The following DLGAP2 variants were observed in gnomAD, a reference collection of about 807,000 sequenced individuals.
The protein encoded by DLGAP2 is disks large-associated protein 2.
A neutral mutation model predicts 100.3 loss-of-function variants in DLGAP2; 26 were observed. That is an observed-to-expected ratio of 0.26 (90% CI 0.19 to 0.36). The LOEUF (loss-of-function observed/expected upper bound fraction) is 0.36. DLGAP2 is among the 10% of genes least tolerant of loss of function. The pLI is 1.00. For missense variants in DLGAP2, 1,858 were observed against 1,453.2 expected, an observed-to-expected ratio of 1.28 and a Z score of -4.53; for synonymous variants, 886 against 630.1, an observed-to-expected ratio of 1.41 and a Z score of -6.08.
In DLGAP2 at chr8:783,920, C is replaced by T. The variant is rs971684282; in HGVS notation, c.18+46095C>T. Among the ~76,000 whole-genome samples, 39 of 152,272 alleles carry T rather than the reference C, an allele frequency of 2.6e-4. 1 individual carries two copies. Among genetic ancestry groups the T allele is most frequent in the African/African-American group, 8.4e-4 (35 of 41,556 alleles). On this transcript the variant is annotated intron_variant, in intron 1 of 14. Transcript: ENST00000637795. Reference sequence around the variant, plus strand: ...ACATAATTAAAAGAGGATATCATAGCGTTATCGGCTAATTCTTAGGAGTAA... The same window carrying T: ...ACATAATTAAAAGAGGATATCATAGTGTTATCGGCTAATTCTTAGGAGTAA...
In DLGAP2 at chr8:1,546,494, G is replaced by C. The variant is rs138999304; in HGVS notation, c.173-2132G>C. Among the ~76,000 whole-genome samples, 314 of 152,344 alleles carry C rather than the reference G, an allele frequency of 2.1e-3. 1 individual carries two copies. The highest frequency in any genetic ancestry group is 7.3e-3 in the African/African-American group (303 of 41,590). On this transcript the variant is annotated intron_variant, in intron 4 of 14. Transcript: ENST00000637795. ...TTTCCATGGCCATGCTGGCCCAGAC[G>C]GCTGGCCGTCCTGGATCCTGAAATC...
At chr8:1,390,433 G>C (rs1036828425) in intron 3 of DLGAP2, among the ~76,000 whole-genome samples, 2 of 152,056 alleles carry the variant, frequency 1.3e-5, no homozygotes, top group African/African-American at 4.8e-5. Context: ...GAAACAGATG[G>C]CCATGAACTC....
intron 2 of DLGAP2, among the ~76,000 whole-genome samples, chr8:1,076,367 G>A (rs534181436): frequency 8.5e-5 from 13 of 152,360 alleles, no homozygotes; most frequent in Admixed American, 2.6e-4. Flanking sequence ...GCAGTGAGTC[G>A]CAGCTCCCCG....
rs371033092 is a variant in DLGAP2 at position 1,297,258 on chromosome 8, A to T, written c.106+38375A>T. 5 of 152,244 alleles carry T rather than the reference A, an allele frequency of 3.3e-5. No homozygotes were observed. The East Asian group carries it at 9.6e-4, about 29-fold the overall frequency. The allele number at this position is 152,244 out of a possible 1,614,324, so 9.4% of individuals were successfully genotyped here. The stretch of plus-strand genomic sequence containing the variant: ...GAAAGGCATGCATTTGTATCCACAA[A>T]CAAATCTTAACACATGTAAACGTAC... On this transcript the variant is annotated intron_variant, in intron 3 of 14. Transcript: ENST00000637795.
At chr8:795,989 C>G (rs796132749) in intron 1 of DLGAP2, among the ~76,000 whole-genome samples, 97 of 68,438 alleles carry the variant, frequency 1.4e-3, no homozygotes, top group Middle Eastern at 0.012. Context: ...GTGAGAGCAG[C>G]TGTCCAGTGA....
At chr8:1,647,063 G>T (rs1798056498) in intron 8 of DLGAP2, among the ~76,000 whole-genome samples, 1 of 152,166 alleles carries the variant, frequency 6.6e-6, no homozygotes, top group Non-Finnish European at 1.5e-5. Flanking sequence ...GGGCATGGAG[G>T]CCACCACCAT....
intron 1 of DLGAP2, among the ~76,000 whole-genome samples, chr8:756,153 T>A (rs1299665489): frequency 6.6e-6 from 1 of 151,954 alleles, no homozygotes; most frequent in African/African-American, 2.4e-5. Flanking sequence ...TGCTGGGGGC[T>A]GTGTGAGGAT....
intron 2 of DLGAP2, among the ~76,000 whole-genome samples, chr8:932,906 A>C (rs1174733669): frequency 6.6e-6 from 1 of 152,240 alleles, no homozygotes; most frequent in East Asian, 1.9e-4. Flanking sequence ...GATTGAAAAC[A>C]TAACTTCCCC....
intron 2 of DLGAP2, among the ~76,000 whole-genome samples, chr8:1,160,772 C>CAA (rs1563221988): frequency 1.3e-5 from 2 of 152,166 alleles, no homozygotes; most frequent in African/African-American, 2.4e-5. Flanking sequence ...CAAAGCCTGG[C>CAA]GAGGAAGGCG....
intron 3 of DLGAP2, among the ~76,000 whole-genome samples, chr8:1,307,216 A>G (rs535740808): frequency 3.6e-4 from 55 of 152,290 alleles, no homozygotes; most frequent in Non-Finnish European, 7.2e-4. Flanking sequence ...AAAAATGGGC[A>G]AAGGACTTGG....
intron 1 of DLGAP2, among the ~76,000 whole-genome samples, chr8:888,967 GAA>G (rs965856313): frequency 2.6e-5 from 4 of 152,146 alleles, no homozygotes; most frequent in African/African-American, 9.7e-5. Flanking sequence ...GGCTGAGTCC[GAA>G]AAGAGAGTCA....
chr8:1,597,432 G>C (rs750095131), intron 6 of DLGAP2, among the ~76,000 whole-genome samples: 28 of 151,706 alleles, frequency 1.8e-4, no homozygotes, highest in Non-Finnish European at 3.7e-4. Context: ...GATGGGGATA[G>C]CATGGAATCT....
intron 2 of DLGAP2, among the ~76,000 whole-genome samples, chr8:1,223,038 C>G (rs1798346841): frequency 6.6e-6 from 1 of 152,308 alleles, no homozygotes; most frequent in African/African-American, 2.4e-5. Flanking sequence ...TGTCTGCCAA[C>G]TCCTTGGGCA....
At chr8:1,145,933 G>C (rs1365344502) in intron 2 of DLGAP2, among the ~76,000 whole-genome samples, 1 of 151,778 alleles carries the variant, frequency 6.6e-6, no homozygotes, top group Admixed American at 6.6e-5. Flanking sequence ...TCCCTACAAA[G>C]GACATGAACT....
intron 3 of DLGAP2, among the ~76,000 whole-genome samples, chr8:1,452,860 A>G (rs912710420): frequency 3.3e-5 from 5 of 152,186 alleles, no homozygotes; most frequent in Non-Finnish European, 7.4e-5. Context: ...GGTGCCCATT[A>G]AAGAGTCTCT....
chr8:1,135,592 G>A (rs1256788503), intron 2 of DLGAP2, among the ~76,000 whole-genome samples: 1 of 146,714 alleles, frequency 6.8e-6, no homozygotes, highest in East Asian at 2.1e-4. Context: ...GACGGAGCGT[G>A]GCACACCTAA....
intron 2 of DLGAP2, among the ~76,000 whole-genome samples, chr8:1,258,462 C>G (rs1238147971): frequency 6.6e-6 from 1 of 151,942 alleles, no homozygotes; most frequent in Non-Finnish European, 1.5e-5. Context: ...GGAGGGAGAG[C>G]ATTAGAACAA....
At chr8:1,272,100 G>C (rs754254306) in intron 3 of DLGAP2, among the ~76,000 whole-genome samples, 1 of 152,300 alleles carries the variant, frequency 6.6e-6, no homozygotes, top group South Asian at 2.1e-4. Context: ...ACAGGCATGA[G>C]CAACCATGCC....
intron 2 of DLGAP2, among the ~76,000 whole-genome samples, chr8:1,196,993 G>A (rs1046906091): frequency 6.6e-6 from 1 of 152,138 alleles, no homozygotes; most frequent in Non-Finnish European, 1.5e-5. Flanking sequence ...TTAAGTCTGC[G>A]TTTGAAGGCC....
Sources: gnomAD v4.1 joint callset for allele counts (sites outside exome capture counted in the v4.1 genomes callset) on GRCh38, gnomAD v4.1.1 for gene constraint, MANE v1.5 for transcripts, NCBI Gene and HGNC (gene_info 2026-07-23, HGNC 2026-07-21) for gene names.